The following NECTIN1 variants were observed in gnomAD, a reference collection of about 807,000 sequenced individuals.
The protein encoded by NECTIN1 is nectin cell adhesion molecule 1, also known as nectin-1.
In NECTIN1, 23 loss-of-function variants were observed where a neutral mutation model predicts 48.0. The observed-to-expected ratio is 0.48, with a 90% confidence interval of 0.34 to 0.68. The LOEUF is 0.68. Ranked by LOEUF, NECTIN1 falls within the 30% of genes least tolerant of loss-of-function variation. The pLI, the probability that NECTIN1 is intolerant of heterozygous loss-of-function variation, is 0.01. For synonymous variants in NECTIN1, 270 were observed against 288.9 expected (o/e 0.93, Z 0.66); for missense variants, 591 against 709.9 (o/e 0.83, Z 1.90).
intron 1 of NECTIN1, among the ~76,000 whole-genome samples, chr11:119,687,585 T>A (rs1487976156): frequency 6.6e-6 from 1 of 152,186 alleles, no homozygotes; most frequent in Non-Finnish European, 1.5e-5. Context: ...GCATTTTTAA[T>A]GACACATTTT....
chr11:119,678,716 G>C lies in NECTIN1; in HGVS notation c.129C>G (p.Ile43Met), dbSNP rs908869648. The change falls in exon 2 of 6, where the codon ATC becomes ATG. Residue 43 changes from isoleucine to methionine, a missense_variant. Coordinates refer to ENST00000264025, the MANE Select transcript of NECTIN1 (RefSeq NM_002855.5). This position sits in a 1 kb window ranked among gnomAD's most constrained non-coding sequence, Gnocchi z 4.4. ...VQVNDSMYGF[I>M]GTDVVLHCSF... Reference sequence around the variant, plus strand: ...TGCAGTGCAGAACCACGTCTGTGCCGATGAAGCCATACATGGAGTCGTTCA... The same window carrying C: ...TGCAGTGCAGAACCACGTCTGTGCCCATGAAGCCATACATGGAGTCGTTCA... 1 of 1,613,572 alleles carries C rather than the reference G, an allele frequency of 6.2e-7. No homozygotes were observed. Among genetic ancestry groups the C allele is most frequent in the East Asian group, 2.2e-5 (1 of 44,862 alleles).
At chr11:119,655,207 G>A (rs961964683) in intron 5 of NECTIN1, among the ~76,000 whole-genome samples, 4 of 152,040 alleles carry the variant, frequency 2.6e-5, no homozygotes, top group African/African-American at 9.7e-5. Flanking sequence ...CACCCTGACT[G>A]GGTAACAGAC....
At chr11:119,654,786 G>A (rs1441049570) in intron 5 of NECTIN1, among the ~76,000 whole-genome samples, 1 of 152,060 alleles carries the variant, frequency 6.6e-6, no homozygotes, top group Non-Finnish European at 1.5e-5. Flanking sequence ...GGCCAGGCTG[G>A]TCTCAAACTC....
chr11:119,668,054 C>T (rs948895909), intron 5 of NECTIN1, among the ~76,000 whole-genome samples: 7 of 152,204 alleles, frequency 4.6e-5, no homozygotes, highest in Non-Finnish European at 5.9e-5. Flanking sequence ...ACATGAACCC[C>T]ATACCTCCTG....
intron 5 of NECTIN1, among the ~76,000 whole-genome samples, chr11:119,668,170 T>A (rs1425595376): frequency 6.6e-6 from 1 of 152,222 alleles, no homozygotes; most frequent in Admixed American, 6.5e-5. Flanking sequence ...AAAACCCATC[T>A]GTACCAACCT....
In NECTIN1 at chr11:119,672,474, C is replaced by A. The variant is rs937044205; in HGVS notation, c.1003+2685G>T. 6.6e-6 allele frequency among the ~76,000 whole-genome samples: 1 copy of A among 152,194 alleles called. No homozygotes were observed. Among genetic ancestry groups the A allele is most frequent in the Non-Finnish European group, 1.5e-5 (1 of 68,032 alleles). On this transcript the variant is annotated intron_variant, in intron 5 of 5. Coordinates refer to ENST00000264025, the MANE Select transcript of NECTIN1 (RefSeq NM_002855.5). The surrounding 1 kb of genome is among the most constrained non-coding windows in gnomAD (Gnocchi z 4.3). ...AGGGGTTCTCTGGGGCCTGTGCCCACGGAAGCACACACAGATTCTGTCCGG... is the reference window on the plus strand; with the variant it reads ...AGGGGTTCTCTGGGGCCTGTGCCCAAGGAAGCACACACAGATTCTGTCCGG...
chr11:119,728,784 C>T lies in NECTIN1; in HGVS notation c.-231G>A. On this transcript the variant is annotated 5_prime_UTR_variant, in exon 1 of 6. Transcript: ENST00000264025. Reference sequence around the variant, plus strand: ...CTCGGCAGATGCCCGCCGCAAGTTGCACGAGTCATGCCCCTTCGCCTCCTC... The same window carrying T: ...CTCGGCAGATGCCCGCCGCAAGTTGTACGAGTCATGCCCCTTCGCCTCCTC... 2.3e-6 allele frequency: 1 copy of T among 442,334 alleles called. No individual in the cohort carries two copies. The highest frequency in any genetic ancestry group is 3.7e-5 in the East Asian group (1 of 27,170). 27.4% of individuals were successfully genotyped at this position (442,334 alleles called of 1,614,324 possible).
intron 1 of NECTIN1, among the ~76,000 whole-genome samples, chr11:119,705,789 G>C (rs1402410418): frequency 2.0e-5 from 3 of 152,224 alleles, no homozygotes; most frequent in Non-Finnish European, 4.4e-5. Context: ...GGGGCATCTT[G>C]GCGGCCCCTG....
intron 1 of NECTIN1, among the ~76,000 whole-genome samples, chr11:119,722,188 C>T (rs1261592528): frequency 6.6e-6 from 1 of 152,244 alleles, no homozygotes; most frequent in Non-Finnish European, 1.5e-5. Flanking sequence ...CTCTCCTCAT[C>T]TCTAAAATGG....
chr11:119,658,275 C>A (rs117091153), downstream of NECTIN1, among the ~76,000 whole-genome samples: 4 of 152,118 alleles, frequency 2.6e-5, no homozygotes, highest in Non-Finnish European at 5.9e-5. Flanking sequence ...GGGGTGAGGA[C>A]ATTGACTGCA....
At chr11:119,697,864 G>A (rs1224333762) in intron 1 of NECTIN1, among the ~76,000 whole-genome samples, 2 of 152,252 alleles carry the variant, frequency 1.3e-5, no homozygotes, top group African/African-American at 2.4e-5. Context: ...CACATTATAA[G>A]TTCTCAACAA....
chr11:119,653,020 A>G (rs1045292408), intron 5 of NECTIN1, among the ~76,000 whole-genome samples: 27 of 152,168 alleles, frequency 1.8e-4, no homozygotes, highest in Non-Finnish European at 1.2e-4. Context: ...CAAAAATAGT[A>G]TACTCGATTG....
intron 5 of NECTIN1, chr11:119,640,849 T>G (rs1241744904): frequency 2.0e-5 from 3 of 152,014 alleles, no homozygotes; most frequent in African/African-American, 7.3e-5. Context: ...GAGTGGGGGG[T>G]AGGGACTAAG....
At chr11:119,648,316 A>G (rs61262891) in intron 5 of NECTIN1, among the ~76,000 whole-genome samples, 3,025 of 8,838 alleles carry the variant, frequency 0.34, 643 homozygotes, top group Non-Finnish European at 0.4. Flanking sequence ...GATGGTGGTG[A>G]TGGTGATGGT....
At chr11:119,658,973 C>T (rs1473665905), downstream of NECTIN1, 2 of 152,190 alleles carry the variant, frequency 1.3e-5, no homozygotes, top group Non-Finnish European at 2.9e-5. Context: ...AGAACAACGA[C>T]TGTAAGATGG....
At position 119,695,094 on chromosome 11, in the gene NECTIN1, G is replaced by A. The variant is rs146392813; in HGVS notation, c.80-16329C>T. ...TAATGGGTATTACGTTAGGTAATCC[G>A]TCTCCCCAGTATGCTGAGAAACTGA... On this transcript the variant is annotated intron_variant, in intron 1 of 5. Transcript: ENST00000264025. Among the ~76,000 whole-genome samples the A allele has an allele frequency of 5.0e-3, 767 of 152,250 alleles. 4 individuals are homozygous for A. The highest frequency in any genetic ancestry group is 7.5e-3 in the Non-Finnish European group (507 of 68,014).
At chr11:119,682,321 G>GA (rs1045151556) in intron 1 of NECTIN1, among the ~76,000 whole-genome samples, 3 of 152,174 alleles carry the variant, frequency 2.0e-5, no homozygotes, top group Non-Finnish European at 2.9e-5. Flanking sequence ...AAGGGACCAG[G>GA]ATTGATAAAA....
chr11:119,691,427 A>C (rs1317276950), intron 1 of NECTIN1, among the ~76,000 whole-genome samples: 1 of 152,174 alleles, frequency 6.6e-6, no homozygotes, highest in Non-Finnish European at 1.5e-5. Context: ...GATCTTCAAA[A>C]GGTTGTGACA....
intron 1 of NECTIN1, among the ~76,000 whole-genome samples, chr11:119,680,711 A>G (rs564676681): frequency 6.6e-6 from 1 of 152,338 alleles, no homozygotes; most frequent in South Asian, 2.1e-4. Context: ...GTGTTCTGAA[A>G]GTTTCCCTGA....
Sources: gnomAD v4.1 joint callset for allele counts (sites outside exome capture counted in the v4.1 genomes callset) on GRCh38, gnomAD v4.1.1 for gene constraint, Gnocchi (gnomAD v3.1) non-coding constraint, MANE v1.5 for transcripts, NCBI Gene and HGNC (gene_info 2026-07-23, HGNC 2026-07-21) for gene names.